Variants in KAZN observed in about 807,000 individuals in gnomAD.
KAZN encodes the protein kazrin.
Under a neutral mutation model 87.4 loss-of-function variants are expected in KAZN, and 40 were observed. The ratio of observed to expected loss-of-function variants is 0.46; its 90% CI spans 0.36 to 0.60. The LOEUF (loss-of-function observed/expected upper bound fraction) is 0.60, where lower values mean the gene tolerates loss of function less well. Among genes scored for constraint, KAZN ranks in the 20% least tolerant of loss-of-function variants. The pLI is 0.00. For missense variants in KAZN, 898 were observed against 1,073.9 expected (o/e 0.84, Z 2.29); for synonymous variants, 466 against 458.3 (o/e 1.02, Z -0.22).
intron 2 of KAZN, among the ~76,000 whole-genome samples, chr1:14,550,084 T>C (rs4074528): frequency 0.49 from 74,747 of 152,104 alleles, 18,628 homozygotes; most frequent in South Asian, 0.65. Context: ...CGCACACCTG[T>C]TGTGGAGCAC....
At chr1:14,601,173 T>G (rs1268577479) in intron 1 of KAZN, among the ~76,000 whole-genome samples, 1 of 152,180 alleles carries the variant, frequency 6.6e-6, no homozygotes, top group Non-Finnish European at 1.5e-5. Flanking sequence ...TGAAGGGTGG[T>G]CTTGATTTCT....
chr1:13,953,048 G>A (rs946232712), intron 1 of KAZN, among the ~76,000 whole-genome samples: 1 of 152,146 alleles, frequency 6.6e-6, no homozygotes, highest in Non-Finnish European at 1.5e-5. Context: ...GAAACCTGTG[G>A]TTAGAGGTAT....
intron 1 of KAZN, among the ~76,000 whole-genome samples, chr1:14,646,535 T>C (rs1680822863): frequency 6.6e-6 from 1 of 152,198 alleles, no homozygotes; most frequent in Non-Finnish European, 1.5e-5. Flanking sequence ...TTTGTTGGGC[T>C]ATGGCAGGGT....
intron 2 of KAZN, among the ~76,000 whole-genome samples, chr1:14,419,370 T>A (rs549306399): frequency 6.6e-6 from 1 of 152,196 alleles, no homozygotes; most frequent in Non-Finnish European, 1.5e-5. Flanking sequence ...CATCCCCATC[T>A]ATCTCATTGC....
chr1:14,474,214 G>T (rs1249457372), intron 2 of KAZN, among the ~76,000 whole-genome samples: 1 of 152,008 alleles, frequency 6.6e-6, no homozygotes. Flanking sequence ...TCTAGTACAT[G>T]CAAATACCTA....
intron 2 of KAZN, among the ~76,000 whole-genome samples, chr1:14,483,144 T>A (rs932623513): frequency 2.8e-4 from 43 of 152,214 alleles, no homozygotes; most frequent in African/African-American, 9.6e-4. Flanking sequence ...GCTGCTAGAA[T>A]CCCTCAGGAT....
chr1:14,780,243 T>C (rs1486384620), intron 1 of KAZN, among the ~76,000 whole-genome samples: 1 of 152,224 alleles, frequency 6.6e-6, no homozygotes, highest in East Asian at 1.9e-4. Context: ...GCTTGTCCTT[T>C]GGGTCTTGGC....
intron 8 of KAZN, among the ~76,000 whole-genome samples, chr1:15,082,289 AC>A (rs1428252827): frequency 6.6e-6 from 1 of 152,142 alleles, no homozygotes; most frequent in Non-Finnish European, 1.5e-5. Flanking sequence ...TCCAACTCAG[AC>A]ACACAAGACA....
intron 1 of KAZN, among the ~76,000 whole-genome samples, chr1:14,125,123 C>T (rs1644836426): frequency 6.6e-6 from 1 of 152,128 alleles, no homozygotes. Flanking sequence ...CATCTCAGCA[C>T]TATTGACATT....
chr1:14,488,942 G>A (rs958846571), intron 2 of KAZN, among the ~76,000 whole-genome samples: 1 of 152,132 alleles, frequency 6.6e-6, no homozygotes, highest in African/African-American at 2.4e-5. Flanking sequence ...TTGTTTCACT[G>A]CCCTCAGCAC....
intron 1 of KAZN, among the ~76,000 whole-genome samples, chr1:14,151,303 C>A (rs1421085063): frequency 1.3e-5 from 2 of 151,974 alleles, no homozygotes; most frequent in Non-Finnish European, 2.9e-5. Flanking sequence ...TTGAACCATG[C>A]ATTTTTTTTT....
intron 1 of KAZN, among the ~76,000 whole-genome samples, chr1:14,830,071 G>A (rs141653883): frequency 2.3e-3 from 348 of 152,348 alleles, no homozygotes; most frequent in African/African-American, 7.9e-3. Flanking sequence ...AATAACAGGT[G>A]TTGGGGGAGT....
At chr1:14,697,347 AAAAAT>A (rs1641673611) in intron 1 of KAZN, among the ~76,000 whole-genome samples, 1 of 152,056 alleles carries the variant, frequency 6.6e-6, no homozygotes, top group Admixed American at 6.6e-5. Context: ...AATAAAAAAT[AAAAAT>A]AAAGAAAAGA....
At chr1:14,064,228 A>C (rs1049431854) in intron 1 of KAZN, among the ~76,000 whole-genome samples, 1 of 152,178 alleles carries the variant, frequency 6.6e-6, no homozygotes, top group African/African-American at 2.4e-5. Context: ...TTGTGTTTAC[A>C]TTGCCAGAAG....
At chr1:15,043,437 G>A (rs191113776) in intron 3 of KAZN, among the ~76,000 whole-genome samples, 2 of 152,244 alleles carry the variant, frequency 1.3e-5, no homozygotes, top group South Asian at 2.1e-4. Context: ...ACTCGATGAG[G>A]TAGAATGACT....
At chr1:14,857,358 A>G (rs1414529800) in intron 1 of KAZN, among the ~76,000 whole-genome samples, 1 of 152,128 alleles carries the variant, frequency 6.6e-6, no homozygotes, top group Non-Finnish European at 1.5e-5. Context: ...CCTTAGCAAC[A>G]TAGTGAAACC....
chr1:14,758,097 G>C (rs190104427), intron 1 of KAZN, among the ~76,000 whole-genome samples: 3,388 of 144,674 alleles, frequency 0.023, 54 homozygotes, highest in South Asian at 0.068. Flanking sequence ...TTGTTTGTTT[G>C]TTTGTTTCTT....
At chr1:14,877,522 G>A (rs1224772044) in intron 1 of KAZN, among the ~76,000 whole-genome samples, 1 of 152,154 alleles carries the variant, frequency 6.6e-6, no homozygotes, top group African/African-American at 2.4e-5. Flanking sequence ...GTTCTCCAAA[G>A]GTGGAGTGTG....
intron 2 of KAZN, among the ~76,000 whole-genome samples, chr1:14,367,305 G>A (rs960705771): frequency 1.5e-4 from 23 of 152,100 alleles, no homozygotes; most frequent in African/African-American, 5.1e-4. Context: ...TTCCCCTGAA[G>A]TCCGGCTACC....
Sources: gnomAD v4.1 joint callset for allele counts (sites outside exome capture counted in the v4.1 genomes callset) on GRCh38, gnomAD v4.1.1 for gene constraint, MANE v1.5 for transcripts, NCBI Gene and HGNC (gene_info 2026-07-23, HGNC 2026-07-21) for gene names.